FAM184A: variants seen among roughly 807,000 people sequenced by gnomAD.
FAM184A encodes family with sequence similarity 184 member A.
In FAM184A, 99 loss-of-function variants were observed where a neutral mutation model predicts 143.8. The ratio of observed to expected loss-of-function variants is 0.69; its 90% CI spans 0.58 to 0.81. The LOEUF is 0.81. FAM184A is among the 40% of genes least tolerant of loss of function. The pLI is 0.00. For synonymous variants in FAM184A, 427 were observed against 446.4 expected (o/e 0.96, Z 0.55); for missense variants, 1,217 against 1,310.5 (o/e 0.93, Z 1.10).
At chr6:119,005,850 T>A (rs1286356958) in intron 7 of FAM184A, 1 of 441,122 alleles carries the variant, frequency 2.3e-6, no homozygotes, top group Non-Finnish European at 4.0e-6. Context: ...AAAGGCAGAG[T>A]CTTTCTGAAA....
chr6:118,995,929 G>A (rs1469372740), intron 9 of FAM184A, among the ~76,000 whole-genome samples: 1 of 152,106 alleles, frequency 6.6e-6, no homozygotes, highest in Non-Finnish European at 1.5e-5. Flanking sequence ...TTTCATCACA[G>A]GTGTTACTAC....
chr6:119,103,656 G>A (rs111759191), intron 1 of FAM184A, among the ~76,000 whole-genome samples: 3,644 of 92,864 alleles, frequency 0.039, 123 homozygotes, highest in African/African-American at 0.13. Context: ...GGCCAGGCAC[G>A]GTGGCTCAAG....
intron 1 of FAM184A, among the ~76,000 whole-genome samples, chr6:119,138,322 G>T (rs768855846): frequency 6.6e-6 from 1 of 152,066 alleles, no homozygotes; most frequent in Admixed American, 6.5e-5. Context: ...ACAAATTACC[G>T]CAAACTTGGA....
intron 1 of FAM184A, among the ~76,000 whole-genome samples, chr6:119,122,841 C>CGGTCTCAGGCAAAACAG (rs1554198202): frequency 2.2e-5 from 3 of 138,216 alleles, no homozygotes; most frequent in Admixed American, 8.0e-5. Context: ...GGGAGGACTG[C>CGGTCTCAGGCAAAACAG]TTGAACCTGG....
chr6:118,977,505 G>A (rs562478343), intron 11 of FAM184A, among the ~76,000 whole-genome samples: 3 of 152,218 alleles, frequency 2.0e-5, no homozygotes, highest in East Asian at 3.9e-4. Context: ...GCTTGAACCC[G>A]GGAGGTGGAG....
At chr6:119,114,834 A>G (rs941601794) in intron 1 of FAM184A, among the ~76,000 whole-genome samples, 1 of 152,032 alleles carries the variant, frequency 6.6e-6, no homozygotes, top group South Asian at 2.1e-4. Context: ...CTAGGATGAC[A>G]TGAGTGAGCT....
At chr6:119,111,266 G>T (rs1057071601) in intron 1 of FAM184A, among the ~76,000 whole-genome samples, 59 of 152,236 alleles carry the variant, frequency 3.9e-4, no homozygotes, top group African/African-American at 1.4e-3. Context: ...ATTACAAAAA[G>T]ATAACTAATA....
chr6:118,961,299 C>T (rs1783315209), intron 17 of FAM184A, among the ~76,000 whole-genome samples: 1 of 149,536 alleles, frequency 6.7e-6, no homozygotes, highest in African/African-American at 2.4e-5. Context: ...CCAGAGTTTA[C>T]GTATGTTTCT....
intron 1 of FAM184A, among the ~76,000 whole-genome samples, chr6:119,112,317 G>T (rs1050050940): frequency 1.4e-4 from 21 of 151,946 alleles, no homozygotes; most frequent in African/African-American, 4.6e-4. Context: ...TAGTAGAGAC[G>T]GGGTTTCTCC....
intron 17 of FAM184A, 118 bp from the exon 18 acceptor site, chr6:118,960,302 G>C: frequency 1.3e-6 from 1 of 751,876 alleles, no homozygotes; most frequent in Non-Finnish European, 2.1e-6. Flanking sequence ...GTTGTAAGTC[G>C]TGTTTTAAAG....
chr6:119,093,469 A>G (rs1279535896), intron 1 of FAM184A, among the ~76,000 whole-genome samples: 1 of 152,172 alleles, frequency 6.6e-6, no homozygotes, highest in Admixed American at 6.5e-5. Flanking sequence ...TAACACTTTC[A>G]GATTTATTCC....
At chr6:119,094,962 C>T (rs929786898) in intron 1 of FAM184A, among the ~76,000 whole-genome samples, 11 of 152,150 alleles carry the variant, frequency 7.2e-5, no homozygotes, top group African/African-American at 2.7e-4. Context: ...TTTGGGCTTG[C>T]CCTGTACACT....
intron 8 of FAM184A, 148 bp from the exon 9 acceptor site, chr6:119,003,197 A>T: frequency 1.4e-6 from 1 of 738,102 alleles, no homozygotes; most frequent in Non-Finnish European, 2.1e-6. Context: ...TAAGGGCTGT[A>T]AAGTAAATTG....
At chr6:119,090,092 A>G (rs1400982368) in intron 1 of FAM184A, among the ~76,000 whole-genome samples, 3 of 152,176 alleles carry the variant, frequency 2.0e-5, no homozygotes, top group Non-Finnish European at 2.9e-5. Flanking sequence ...TTATCCATCT[A>G]CTTGGCTTCC....
chr6:118,973,601 A>C (rs1783761034), intron 14 of FAM184A, among the ~76,000 whole-genome samples: 1 of 152,166 alleles, frequency 6.6e-6, no homozygotes, highest in Admixed American at 6.6e-5. Context: ...TTTGATTGGA[A>C]GAGGAGAGAC....
upstream of FAM184A, among the ~76,000 whole-genome samples, chr6:119,081,400 A>G (rs892035205): frequency 7.2e-5 from 11 of 152,190 alleles, no homozygotes; most frequent in Admixed American, 4.6e-4. Context: ...CTAGGGGAGC[A>G]CAGAGATGGG....
At chr6:118,984,398 G>T (rs549137546) in intron 9 of FAM184A, among the ~76,000 whole-genome samples, 35 of 151,718 alleles carry the variant, frequency 2.3e-4, no homozygotes, top group Non-Finnish European at 1.0e-4. Context: ...GGCTGGTCTT[G>T]AACTCCTGGG....
intron 1 of FAM184A, among the ~76,000 whole-genome samples, chr6:119,035,377 CT>C (rs1222557188): frequency 6.6e-6 from 1 of 152,192 alleles, no homozygotes; most frequent in Non-Finnish European, 1.5e-5. Context: ...GATTTTAAGA[CT>C]GATGAACCAG....
At chr6:119,079,578 A>T (rs1234975453), upstream of FAM184A, among the ~76,000 whole-genome samples, 1 of 152,196 alleles carries the variant, frequency 6.6e-6, no homozygotes, top group Non-Finnish European at 1.5e-5. Context: ...GCATTGAAGC[A>T]TGTGAGTCAT....
Sources: allele counts gnomAD v4.1 joint callset (sites outside exome capture counted in the v4.1 genomes callset), GRCh38; gene constraint gnomAD v4.1.1; transcripts MANE v1.5; gene names NCBI Gene and HGNC (gene_info 2026-07-23, HGNC 2026-07-21).